Variants in ERBB3 observed in about 807,000 individuals in gnomAD.
ERBB3 encodes receptor tyrosine-protein kinase erbB-3.
ERBB3 carries 96 observed loss-of-function variants against 156.7 expected under a neutral mutation model. The observed-to-expected ratio is 0.61, with a 90% CI of 0.52 to 0.73. ERBB3 has a LOEUF of 0.73. Among genes scored for constraint, ERBB3 ranks in the 30% least tolerant of loss-of-function variants. ERBB3 has a pLI of 0.00. For missense variants in ERBB3, 1,406 were observed against 1,709.4 expected (o/e 0.82, Z 3.13); for synonymous variants, 567 against 632.0 (o/e 0.90, Z 1.54).
rs7971751 is a variant in ERBB3, at chr12:56,084,874, A to C, written c.235-121A>C. Reference sequence around the variant, plus strand: ...AAATTTTAAAAAAAAGAAAAAAAGAAAGGAAAGAAAGAAGGAAGAATTAAA... The same window carrying C: ...AAATTTTAAAAAAAAGAAAAAAAGACAGGAAAGAAAGAAGGAAGAATTAAA... On this transcript the variant is annotated intron_variant, in intron 2 of 27. Coordinates refer to ENST00000267101, the MANE Select transcript of ERBB3 (RefSeq NM_001982.4). The C allele has an allele frequency of 0.58, 862,087 of 1,485,504 alleles. 257,414 individuals carry two copies. The highest frequency in any genetic ancestry group is 0.79 in the East Asian group (33,110 of 42,092). 92.0% of individuals were successfully genotyped at this position (1,485,504 alleles called of 1,614,324 possible).
In ERBB3 at chr12:56,088,078, G is replaced by A. The variant is rs748150381; in HGVS notation, c.790G>A (p.Val264Ile). ...TGTACCTCGCTGTCCACAGCCTCTT[G>A]TCTACAACAAGCTAACTTTCCAGCT... is the stretch of plus-strand genomic sequence containing the variant. ...ACVPRCPQPL[V>I]YNKLTFQLEP... The change falls in exon 7 of 28, where the codon GTC becomes ATC. Residue 264 changes from valine (V) to isoleucine (I), a missense_variant. By Grantham distance (29) the Val-to-Ile change is conservative (BLOSUM62 3). This residue lies in a region of ERBB3 where 979 missense variants were observed against 1,219.6 expected (regional missense o/e 0.80). Transcript: ENST00000267101. The A allele has an allele frequency of 1.2e-6, 2 of 1,614,096 alleles. No homozygotes were observed. The highest frequency in any genetic ancestry group is 1.3e-5 in the African/African-American group (1 of 75,004).
In ERBB3 at chr12:56,093,565, C is replaced by A. The variant is rs373276728; in HGVS notation, c.1480+15C>A. 1 of 1,606,756 alleles carries A rather than the reference C, an allele frequency of 6.2e-7. No individual in the cohort carries two copies. Among genetic ancestry groups the A allele is most frequent in the South Asian group, 1.1e-5 (1 of 90,972 alleles). ...CAGAGACTGCGGTGAGGGAAAGGGT[C>A]TGCTAGGTGGTGAGAATAGGGAGTC... On this transcript the variant is annotated intron_variant, in intron 12 of 27. Coordinates refer to ENST00000267101, the MANE Select transcript of ERBB3 (RefSeq NM_001982.4).
rs371965660 is a variant in ERBB3 at position 56,090,243 on chromosome 12, A to G, written c.1109+1375A>G. Among the ~76,000 whole-genome samples the G allele has an allele frequency of 5.2e-4, 79 of 151,808 alleles. 1 individual carries two copies. The highest frequency in any genetic ancestry group is 1.8e-3 in the African/African-American group (75 of 41,434). On this transcript the variant is annotated intron_variant, in intron 9 of 27. Coordinates refer to ENST00000267101, the MANE Select transcript of ERBB3 (RefSeq NM_001982.4). ...TCGAACTCCTGACCTCAAGTGATCC[A>G]CCCGCCCCAGCTTCCCAAAGTGTTG... is the stretch of plus-strand genomic sequence containing the variant.
Position 56,092,757 on chromosome 12 carries a change from C to A in ERBB3, c.1120C>A (p.His374Asn). 1 of 1,613,876 alleles carries A rather than the reference C, an allele frequency of 6.2e-7. No individual in the cohort carries two copies. The highest frequency in any genetic ancestry group is 8.5e-7 in the Non-Finnish European group (1 of 1,179,746). ...TACTGTTCTATTCAGAGACCCCTGGCACAAGATCCCTGCCCTGGACCCAGA... is the reference window on the plus strand; with the variant it reads ...TACTGTTCTATTCAGAGACCCCTGGAACAAGATCCCTGCCCTGGACCCAGA... ...LITGLNGDPWHKIPALDPEKL... is the reference protein window; with the variant it reads ...LITGLNGDPWNKIPALDPEKL... Residue 374 changes from histidine to asparagine, a missense_variant, in exon 10 of 28, where the codon CAC becomes AAC. Around this residue, in one of 3 missense-constraint regions of ERBB3, gnomAD observed 979 missense variants for 1,219.6 expected, o/e 0.80. Transcript: ENST00000267101.
At chr12:56,094,310 A>G in intron 14 of ERBB3, 92 bp from the exon 15 acceptor site, 2 of 1,520,000 alleles carry the variant, frequency 1.3e-6, no homozygotes, top group Non-Finnish European at 1.8e-6. Flanking sequence ...GCCTGCAGAT[A>G]GAAGATCCTG....
chr12:56,100,101 C>G (rs1024879778), intron 25 of ERBB3, 72 bp downstream of exon 25: 3 of 1,588,246 alleles, frequency 1.9e-6, no homozygotes, highest in Non-Finnish European at 2.6e-6. Context: ...CCCAGATTAA[C>G]TACTCAAAGG....
rs368322587 is a variant in ERBB3, at chr12:56,094,402, G to C, written c.1705G>C (p.Gly569Arg). Residue 569 changes from glycine to arginine, a missense_variant and splice_region_variant, in exon 15 of 28, where the codon GGC becomes CGC. Gly to Arg is a moderately radical substitution (Grantham distance 125). Coordinates refer to ENST00000267101, the MANE Select transcript of ERBB3 (RefSeq NM_001982.4). ...MEGTATCNGS[G>R]SDTCAQCAHF... ...TCCTGACCTTCTCTCTTCCACTCAG[G>C]GCTCTGATACTTGTGCTCAATGTGC... is the stretch of plus-strand genomic sequence containing the variant. 1 of 1,614,056 alleles carries C rather than the reference G, an allele frequency of 6.2e-7. No individual in the cohort carries two copies. Among genetic ancestry groups the C allele is most frequent in the Admixed American group, 1.7e-5 (1 of 59,998 alleles).
intron 19 of ERBB3, 56 bp downstream of exon 19, chr12:56,096,902 C>A: frequency 6.9e-7 from 1 of 1,439,778 alleles, no homozygotes; most frequent in South Asian, 1.1e-5. Context: ...TAGATACAAT[C>A]ATGTAGAAGC....
At chr12:56,098,937 CTTTT>C (rs753713010) in intron 23 of ERBB3, 32 bp downstream of exon 23, 2 of 1,526,620 alleles carry the variant, frequency 1.3e-6, no homozygotes, top group South Asian at 1.2e-5. Flanking sequence ...ACCATTTTCT[CTTTT>C]TTTCTTTTTT....
At chr12:56,082,518 G>A (rs1508211) in intron 1 of ERBB3, among the ~76,000 whole-genome samples, 3,262 of 152,184 alleles carry the variant, frequency 0.021, 128 homozygotes, top group African/African-American at 0.075. Context: ...GACTAGGGGT[G>A]TATGTTATAG....
intron 20 of ERBB3, among the ~76,000 whole-genome samples, 163 bp from the exon 21 acceptor site, chr12:56,097,622 C>A (rs1475135597): frequency 6.6e-6 from 1 of 152,032 alleles, no homozygotes; most frequent in Non-Finnish European, 1.5e-5. Flanking sequence ...CAAAACCAAC[C>A]CTCCCCTTCC....
At chr12:56,092,175 G>C (rs1287392484) in intron 9 of ERBB3, among the ~76,000 whole-genome samples, 3 of 151,210 alleles carry the variant, frequency 2.0e-5, no homozygotes, top group Admixed American at 6.6e-5. Flanking sequence ...GGATCACAAG[G>C]TCAGGAGTTC....
intron 9 of ERBB3, among the ~76,000 whole-genome samples, chr12:56,091,082 T>G (rs527728968): frequency 6.6e-6 from 1 of 150,802 alleles, no homozygotes; most frequent in East Asian, 2.0e-4. Context: ...GTTTGATGTG[T>G]CCTCATGATT....
In ERBB3 at chr12:56,085,335, T is replaced by G. The variant is rs771709447; in HGVS notation, c.421+154T>G. The G allele has an allele frequency of 2.7e-6, 4 of 1,504,452 alleles. No individual in the cohort carries two copies. In the East Asian group the frequency reaches 9.5e-5, roughly 36 times the overall value. The allele number at this position is 1,504,452 out of a possible 1,614,324, so 93.2% of individuals were successfully genotyped here. A position where few individuals can be genotyped will look rare whatever the true frequency, so the allele number is the denominator to read the frequency against. Reference sequence around the variant, plus strand: ...TAAAGGTCCATTGCTCCCTAAGCAATAGAGGGCCCCCAGTAGGGGGAGCTA... The same window carrying G: ...TAAAGGTCCATTGCTCCCTAAGCAAGAGAGGGCCCCCAGTAGGGGGAGCTA... On this transcript the variant is annotated intron_variant, in intron 3 of 27. Coordinates refer to ENST00000267101, the MANE Select transcript of ERBB3 (RefSeq NM_001982.4).
chr12:56,096,092 G>A (rs983423390), intron 17 of ERBB3: 6 of 539,184 alleles, frequency 1.1e-5, no homozygotes, highest in African/African-American at 5.7e-5. Context: ...TCTGTGCCTC[G>A]GTTTATGCAT....
chr12:56,102,806 T>TAAA lies in ERBB3; in HGVS notation c.*777_*779dup, dbSNP rs4016497. On this transcript the variant is annotated 3_prime_UTR_variant, in exon 28 of 28. Coordinates refer to ENST00000267101, the MANE Select transcript of ERBB3 (RefSeq NM_001982.4). The stretch of plus-strand genomic sequence containing the variant: ...CAACATAGTAAGACCCCCATCTCTT[T>TAAA]AAAAAAAAAAAAAAAAAAAAAAAAA... The TAAA allele has an allele frequency of 0.31, 17,226 of 55,720 alleles. 5,252 individuals are homozygous for TAAA. Among genetic ancestry groups the TAAA allele is most frequent in the South Asian group, 0.45 (321 of 706 alleles). 3.5% of individuals were successfully genotyped at this position (55,720 alleles called of 1,614,324 possible). A position where few individuals can be genotyped will look rare whatever the true frequency, so the allele number is the denominator to read the frequency against.
chr12:56,095,574 G>A, intron 16 of ERBB3, 91 bp from the exon 17 acceptor site: 3 of 1,482,374 alleles, frequency 2.0e-6, no homozygotes, highest in Non-Finnish European at 2.8e-6. Context: ...TCTTGCCCCA[G>A]GTCAGCATCA....
At chr12:56,099,562 G>A in intron 23 of ERBB3, 86 bp from the exon 24 acceptor site, 2 of 1,164,326 alleles carry the variant, frequency 1.7e-6, no homozygotes, top group Non-Finnish European at 2.6e-6. Flanking sequence ...GCCTCCCAAA[G>A]TGCTGGGATT....
rs1555212516 is a variant in ERBB3 at position 56,099,831 on chromosome 12, G to A, written c.2938-7G>A. On this transcript the variant is annotated splice_polypyrimidine_tract_variant and splice_region_variant and intron_variant, in intron 24 of 27. Coordinates refer to ENST00000267101, the MANE Select transcript of ERBB3 (RefSeq NM_001982.4). ...GGATTCCCCCTAACAATCACCTATC[G>A]ATATAGAGAGAGAGTGGGCCTGGAA... The A allele has an allele frequency of 1.2e-5, 20 of 1,613,836 alleles. 1 individual carries two copies. The highest frequency in any genetic ancestry group is 1.1e-4 in the South Asian group (10 of 90,974).
Sources: allele counts gnomAD v4.1 joint callset (sites outside exome capture counted in the v4.1 genomes callset), GRCh38; gene constraint gnomAD v4.1.1; regional missense constraint gnomAD v4.1.1; transcripts MANE v1.5; gene names NCBI Gene and HGNC (gene_info 2026-07-23, HGNC 2026-07-21).